RTN4RL1: variants seen among roughly 807,000 people sequenced by gnomAD.
The protein encoded by RTN4RL1 is reticulon 4 receptor like 1.
In RTN4RL1, 7 loss-of-function variants were observed where a neutral mutation model predicts 25.6. The ratio of observed to expected loss-of-function variants is 0.27; its 90% CI spans 0.16 to 0.51. The LOEUF (loss-of-function observed/expected upper bound fraction) is 0.51. Among genes scored for constraint, RTN4RL1 ranks in the 20% least tolerant of loss-of-function variants. The probability of loss-of-function intolerance (pLI) is 0.97; values close to 1 mark genes in which losing one functional copy is unlikely to be tolerated. For synonymous variants in RTN4RL1, 297 were observed against 288.2 expected, an observed-to-expected ratio of 1.03 and a Z score of -0.31; for missense variants, 500 against 615.6, an observed-to-expected ratio of 0.81 and a Z score of 1.99.
intron 1 of RTN4RL1, among the ~76,000 whole-genome samples, chr17:2,018,539 A>T: frequency 6.6e-6 from 1 of 152,188 alleles, no homozygotes; most frequent in Non-Finnish European, 1.5e-5. Flanking sequence ...CCAGAAATGA[A>T]TCAGCAGCGC....
chr17:1,954,058 T>C (rs1005159935), intron 1 of RTN4RL1, among the ~76,000 whole-genome samples: 1 of 152,220 alleles, frequency 6.6e-6, no homozygotes, highest in African/African-American at 2.4e-5. Context: ...TCCACAGTGA[T>C]CTTGTTAAGC....
chr17:2,000,032 G>A (rs2066950094), intron 1 of RTN4RL1, among the ~76,000 whole-genome samples: 1 of 152,270 alleles, frequency 6.6e-6, no homozygotes, highest in East Asian at 1.9e-4. Context: ...CCGGCCATCT[G>A]CAGCCAGCCC....
chr17:1,967,743 G>A (rs1483497569), intron 1 of RTN4RL1, among the ~76,000 whole-genome samples: 2 of 151,868 alleles, frequency 1.3e-5, no homozygotes, highest in Admixed American at 6.6e-5. Flanking sequence ...AGGTTTAAGC[G>A]ATTCTCCTGC....
intron 1 of RTN4RL1, among the ~76,000 whole-genome samples, chr17:1,939,119 G>A (rs35659959): frequency 0.2 from 30,122 of 151,742 alleles, 3,184 homozygotes; most frequent in South Asian, 0.28. Flanking sequence ...TTGGGAGGCC[G>A]AGGCGGGCGG....
intron 1 of RTN4RL1, among the ~76,000 whole-genome samples, chr17:1,972,325 A>C (rs1033511359): frequency 4.2e-5 from 2 of 47,628 alleles, no homozygotes; most frequent in Admixed American, 3.2e-4. Flanking sequence ...TAAATAAATA[A>C]ATAAAAATTT....
intron 1 of RTN4RL1, among the ~76,000 whole-genome samples, chr17:1,938,868 T>TGGTGAAACCCTGTCTC (rs1915372102): frequency 6.8e-6 from 1 of 148,074 alleles, no homozygotes; most frequent in South Asian, 2.2e-4. Context: ...CTAGCCAACA[T>TGGTGAAACCCTGTCTC]GGTGAAACCC....
chr17:1,951,678 C>G (rs1458022464), intron 1 of RTN4RL1, among the ~76,000 whole-genome samples: 2 of 152,056 alleles, frequency 1.3e-5, no homozygotes, highest in Admixed American at 1.3e-4. Context: ...GTCTCGAACT[C>G]CTGACCTCAG....
chr17:1,942,213 C>T (rs573029430), intron 1 of RTN4RL1, among the ~76,000 whole-genome samples: 2 of 152,294 alleles, frequency 1.3e-5, no homozygotes, highest in South Asian at 4.1e-4. Context: ...GCTCGGCTGA[C>T]TGCTCGGGTA....
At chr17:2,017,346 G>A (rs2067137591) in intron 1 of RTN4RL1, among the ~76,000 whole-genome samples, 2 of 152,220 alleles carry the variant, frequency 1.3e-5, no homozygotes, top group South Asian at 4.1e-4. Flanking sequence ...GAGCTGCCAA[G>A]TGGCCCATCG....
chr17:1,998,433 G>T lies in RTN4RL1; in HGVS notation c.13+26420C>A, dbSNP rs1015722840. On this transcript the variant is annotated intron_variant, in intron 1 of 1. Coordinates refer to ENST00000331238, the MANE Select transcript of RTN4RL1 (RefSeq NM_178568.4). This position sits in a 1 kb window ranked among gnomAD's most constrained non-coding sequence, Gnocchi z 4.9. ...CGCGCTGGGATCCGTTCCCTCTCGC[G>T]GGAGCCGCCGGCCGGGGATCTGCGC... Among the ~76,000 whole-genome samples, 1 of 151,978 alleles carries T rather than the reference G, an allele frequency of 6.6e-6. No homozygotes were observed. The highest frequency in any genetic ancestry group is 1.5e-5 in the Non-Finnish European group (1 of 67,944).
intron 1 of RTN4RL1, among the ~76,000 whole-genome samples, chr17:1,954,080 C>A (rs532156585): frequency 9.8e-5 from 15 of 152,302 alleles, no homozygotes; most frequent in African/African-American, 3.6e-4. Context: ...AATGAGTCAA[C>A]CAATGCTGGA....
intron 1 of RTN4RL1, 117 bp downstream of exon 1, chr17:2,024,736 A>G: frequency 3.8e-6 from 4 of 1,062,896 alleles, no homozygotes; most frequent in Non-Finnish European, 5.3e-6. Flanking sequence ...GGCAAAACCC[A>G]CCAGCCCGCC....
At chr17:1,966,372 A>G (rs1435237503) in intron 1 of RTN4RL1, among the ~76,000 whole-genome samples, 1 of 152,168 alleles carries the variant, frequency 6.6e-6, no homozygotes, top group Non-Finnish European at 1.5e-5. Flanking sequence ...AATAGAACTC[A>G]GCCTAAGGCT....
At chr17:1,996,806 C>G (rs1176812173) in intron 1 of RTN4RL1, among the ~76,000 whole-genome samples, 1 of 152,184 alleles carries the variant, frequency 6.6e-6, no homozygotes, top group East Asian at 1.9e-4. Context: ...CCTGGGCTGC[C>G]CACTGTGGAG....
chr17:1,975,185 G>A (rs1238017622), intron 1 of RTN4RL1, among the ~76,000 whole-genome samples: 1 of 152,194 alleles, frequency 6.6e-6, no homozygotes, highest in African/African-American at 2.4e-5. Context: ...CCAGCAGAGA[G>A]GAGCTGTTCT....
chr17:2,012,797 C>CT (rs5818845), intron 1 of RTN4RL1, among the ~76,000 whole-genome samples: 49,057 of 146,164 alleles, frequency 0.34, 8,218 homozygotes, highest in East Asian at 0.51. Flanking sequence ...TCTTCTTCTT[C>CT]TTTTTTTTTT....
intron 1 of RTN4RL1, among the ~76,000 whole-genome samples, chr17:2,012,242 C>T (rs970965252): frequency 2.6e-5 from 4 of 152,172 alleles, no homozygotes; most frequent in African/African-American, 9.7e-5. Flanking sequence ...CTTTTCCAAG[C>T]GAGAGGTTAT....
At chr17:1,964,962 T>C (rs534416130) in intron 1 of RTN4RL1, among the ~76,000 whole-genome samples, 5 of 145,540 alleles carry the variant, frequency 3.4e-5, no homozygotes, top group Admixed American at 1.4e-4. Flanking sequence ...CTAATTTTTG[T>C]AATTTTAGTA....
chr17:2,006,576 C>A (rs934065736), intron 1 of RTN4RL1, among the ~76,000 whole-genome samples: 2 of 152,176 alleles, frequency 1.3e-5, no homozygotes. Context: ...CCTCAGCCTC[C>A]CAAAGTGCTG....
Sources: allele counts gnomAD v4.1 joint callset (sites outside exome capture counted in the v4.1 genomes callset), GRCh38; gene constraint gnomAD v4.1.1; non-coding constraint Gnocchi (gnomAD v3.1); transcripts MANE v1.5; gene names NCBI Gene and HGNC (gene_info 2026-07-23, HGNC 2026-07-21).